The following PTH2R variants were observed in gnomAD, a reference collection of about 807,000 sequenced individuals.
The protein encoded by PTH2R is PTH2 receptor.
In PTH2R, 59 loss-of-function variants were observed where a neutral mutation model predicts 60.3. The observed-to-expected ratio is 0.98, with a 90% CI of 0.79 to 1.22. PTH2R has a LOEUF of 1.22. PTH2R is among the 50% of genes most tolerant of loss of function. PTH2R has a pLI of 0.00. For synonymous variants in PTH2R, 256 were observed against 243.8 expected (o/e 1.05, Z -0.47); for missense variants, 749 against 682.6 (o/e 1.10, Z -1.08).
intron 12 of PTH2R, 36 bp downstream of exon 12, chr2:208,490,716 A>G: frequency 6.4e-7 from 1 of 1,574,156 alleles, no homozygotes; most frequent in Non-Finnish European, 8.6e-7. Context: ...GTCTCGCTTC[A>G]GCTTGTAAAT....
At chr2:208,448,582 C>T (rs750805426) in intron 7 of PTH2R, among the ~76,000 whole-genome samples, 80 of 149,290 alleles carry the variant, frequency 5.4e-4, no homozygotes, top group Admixed American at 1.2e-3. Context: ...TGCAGTGAGC[C>T]GGGATCATGC....
At chr2:208,421,122 T>G (rs561610547) in intron 1 of PTH2R, among the ~76,000 whole-genome samples, 93 of 152,348 alleles carry the variant, frequency 6.1e-4, no homozygotes, top group Non-Finnish European at 9.4e-4. Context: ...CTTTGAAGGA[T>G]GACAGCTCAA....
At chr2:208,459,986 A>T in intron 9 of PTH2R, 25 bp downstream of exon 9, 1 of 1,595,950 alleles carries the variant, frequency 6.3e-7, no homozygotes, top group South Asian at 1.1e-5. Flanking sequence ...TTGTATAGTT[A>T]AAAAAGGGAT....
intron 1 of PTH2R, among the ~76,000 whole-genome samples, chr2:208,378,367 G>A (rs550705502): frequency 2.0e-5 from 3 of 152,196 alleles, no homozygotes; most frequent in African/African-American, 7.2e-5. Context: ...ACCGTGGAAA[G>A]AGAGGGAGAG....
At chr2:208,367,569 C>T (rs1349010377) in intron 1 of PTH2R, among the ~76,000 whole-genome samples, 1 of 151,816 alleles carries the variant, frequency 6.6e-6, no homozygotes, top group African/African-American at 2.4e-5. Context: ...GGGTTTTCAC[C>T]ATATTGGCCA....
chr2:208,448,298 A>G lies in PTH2R; in HGVS notation c.854-2451A>G, dbSNP rs546071743. On this transcript the variant is annotated intron_variant, in intron 7 of 12. Transcript: ENST00000272847. ...TTGTTTTCTTGTTGTGATCATATGT[A>G]TCATATTCAACATTTTTAATTTGTA... Among the ~76,000 whole-genome samples the G allele has an allele frequency of 1.1e-4, 16 of 152,282 alleles. No individual in the cohort carries two copies. The East Asian group carries it at 3.1e-3, about 29-fold the overall frequency.
chr2:208,486,770 G>T (rs920608159), intron 10 of PTH2R, among the ~76,000 whole-genome samples: 4 of 152,174 alleles, frequency 2.6e-5, no homozygotes, highest in African/African-American at 9.7e-5. Flanking sequence ...CACATCCCAG[G>T]GAGCCCTGAC....
At chr2:208,491,748 C>G (rs543605404) in intron 12 of PTH2R, among the ~76,000 whole-genome samples, 180 of 152,012 alleles carry the variant, frequency 1.2e-3, no homozygotes, top group South Asian at 4.2e-3. Context: ...TATTAGGACC[C>G]ACTGTTTTAC....
chr2:208,444,395 A>G (rs987111272), intron 6 of PTH2R, among the ~76,000 whole-genome samples: 1 of 152,232 alleles, frequency 6.6e-6, no homozygotes, highest in African/African-American at 2.4e-5. Flanking sequence ...CAAGCTAAAA[A>G]TATGGGTAAC....
At chr2:208,493,108 G>C (rs899225702) in intron 12 of PTH2R, among the ~76,000 whole-genome samples, 156 bp from the exon 13 acceptor site, 2 of 152,144 alleles carry the variant, frequency 1.3e-5, no homozygotes, top group South Asian at 4.1e-4. Flanking sequence ...AAGGTTTTTT[G>C]AGGTTGAGAG....
At chr2:208,476,513 G>A (rs1324981400) in intron 9 of PTH2R, among the ~76,000 whole-genome samples, 2 of 152,116 alleles carry the variant, frequency 1.3e-5, no homozygotes, top group African/African-American at 2.4e-5. Context: ...CTTTATATTT[G>A]TGATACAGAT....
intron 1 of PTH2R, among the ~76,000 whole-genome samples, chr2:208,377,934 G>A (rs1167642633): frequency 9.9e-5 from 15 of 151,844 alleles, no homozygotes; most frequent in Non-Finnish European, 1.8e-4. Context: ...GACGATGGGC[G>A]GCCAGGCAGA....
intron 1 of PTH2R, among the ~76,000 whole-genome samples, chr2:208,407,371 A>G (rs1301726367): frequency 2.0e-5 from 3 of 152,208 alleles, no homozygotes; most frequent in African/African-American, 7.2e-5. Context: ...CCGCAAAGTA[A>G]GGGGATATTT....
At chr2:208,381,719 G>A (rs1360492851) in intron 1 of PTH2R, among the ~76,000 whole-genome samples, 1 of 152,078 alleles carries the variant, frequency 6.6e-6, no homozygotes, top group Non-Finnish European at 1.5e-5. Flanking sequence ...ACTCCCAAAT[G>A]ACCCACACCC....
In PTH2R at chr2:208,481,084, G is replaced by C. The variant is rs556903609; in HGVS notation, c.996G>C (p.Leu332=). 4 of 1,604,300 alleles carry C rather than the reference G, an allele frequency of 2.5e-6. No individual in the cohort carries two copies. In the African/African-American group the frequency reaches 5.4e-5, roughly 21 times the overall value. The change falls in exon 10 of 13, where the codon CTG becomes CTC. Residue 332 remains leucine, a synonymous_variant. Transcript: ENST00000272847. ...TTCTTTTTCAGCTGAATTTTATTCT[G>C]TTTCTGAATACGGTTAGAGTTCTAG... ...ILAAIGLNFI[L]FLNTVRVLAT... is the part of the protein sequence containing the mutation.
intron 8 of PTH2R, among the ~76,000 whole-genome samples, chr2:208,453,298 G>A (rs1253340703): frequency 1.3e-5 from 2 of 152,166 alleles, no homozygotes; most frequent in Non-Finnish European, 2.9e-5. Context: ...CCTGGCATAT[G>A]TTTTTCTCAT....
intron 7 of PTH2R, 64 bp from the exon 8 acceptor site, chr2:208,450,685 T>A: frequency 2.0e-6 from 3 of 1,516,266 alleles, no homozygotes; most frequent in Non-Finnish European, 2.7e-6. Context: ...ATATGGTGAA[T>A]TTGAGGAAAA....
intron 1 of PTH2R, among the ~76,000 whole-genome samples, chr2:208,421,463 CTTT>C (rs1314874290): frequency 1.3e-5 from 2 of 151,092 alleles, no homozygotes; most frequent in Non-Finnish European, 3.0e-5. Context: ...ACCTGTTTTT[CTTT>C]TTTTATGTTG....
chr2:208,381,055 G>T (rs1373767241), intron 1 of PTH2R, among the ~76,000 whole-genome samples: 1 of 152,002 alleles, frequency 6.6e-6, no homozygotes. Flanking sequence ...CACACAATCT[G>T]TCTCACTTTC....
Sources: gnomAD v4.1 joint callset for allele counts (sites outside exome capture counted in the v4.1 genomes callset) on GRCh38, gnomAD v4.1.1 for gene constraint, MANE v1.5 for transcripts, NCBI Gene and HGNC (gene_info 2026-07-23, HGNC 2026-07-21) for gene names.